The following SLC24A3 variants were observed in gnomAD, a reference collection of about 807,000 sequenced individuals.
The protein encoded by SLC24A3 is sodium/potassium/calcium exchanger 3.
SLC24A3 carries 28 observed loss-of-function variants against 75.8 expected under a neutral mutation model. The observed-to-expected ratio is 0.37, with a 90% CI of 0.27 to 0.51. The LOEUF is 0.51. Among genes scored for constraint, SLC24A3 ranks in the 20% least tolerant of loss-of-function variants. The probability of loss-of-function intolerance (pLI) is 0.94; values close to 1 mark genes in which losing one functional copy is unlikely to be tolerated. For synonymous variants in SLC24A3, 372 were observed against 334.1 expected, an observed-to-expected ratio of 1.11 and a Z score of -1.24; for missense variants, 663 against 847.8, an observed-to-expected ratio of 0.78 and a Z score of 2.71.
chr20:19,316,305 TG>T (rs1368537708), intron 2 of SLC24A3, among the ~76,000 whole-genome samples: 1 of 152,148 alleles, frequency 6.6e-6, no homozygotes, highest in African/African-American at 2.4e-5. Context: ...TCCTACCTCT[TG>T]GTGCTTCTGT....
chr20:19,528,068 G>C (rs1371641884), intron 3 of SLC24A3, among the ~76,000 whole-genome samples: 1 of 152,144 alleles, frequency 6.6e-6, no homozygotes, highest in Non-Finnish European at 1.5e-5. Flanking sequence ...AGGAGTCCAA[G>C]CTCTTTAAGA....
At chr20:19,521,985 C>T (rs1373832637) in intron 3 of SLC24A3, among the ~76,000 whole-genome samples, 5 of 152,108 alleles carry the variant, frequency 3.3e-5, no homozygotes, top group Non-Finnish European at 4.4e-5. Context: ...ACTCAACTCT[C>T]CATTTGTAGG....
chr20:19,334,560 G>T (rs1227593827), intron 2 of SLC24A3, among the ~76,000 whole-genome samples: 1 of 152,064 alleles, frequency 6.6e-6, no homozygotes, highest in Non-Finnish European at 1.5e-5. Context: ...AAGATTCAGT[G>T]CCAACATCAA....
intron 6 of SLC24A3, among the ~76,000 whole-genome samples, chr20:19,631,791 AGTGTGTGTGTGTGT>A (rs148278633): frequency 1.4e-5 from 2 of 147,836 alleles, no homozygotes; most frequent in Non-Finnish European, 3.0e-5. Flanking sequence ...TATGAGTGAG[AGTGTGTGTGTGTGT>A]GTGTGTGTGT....
chr20:19,248,187 G>A (rs1367808388), intron 1 of SLC24A3, among the ~76,000 whole-genome samples: 4 of 152,126 alleles, frequency 2.6e-5, no homozygotes, highest in African/African-American at 9.7e-5. Context: ...TTTCTGCCAC[G>A]TTGCCTCCTT....
At chr20:19,346,274 G>GTATA (rs374637972) in intron 2 of SLC24A3, among the ~76,000 whole-genome samples, 2 of 67,740 alleles carry the variant, frequency 3.0e-5, no homozygotes, top group Non-Finnish European at 5.2e-5. Flanking sequence ...TATATATGGT[G>GTATA]TATATATATA....
intron 3 of SLC24A3, among the ~76,000 whole-genome samples, chr20:19,529,103 T>G (rs1181364410): frequency 1.3e-5 from 2 of 152,164 alleles, no homozygotes; most frequent in Non-Finnish European, 2.9e-5. Flanking sequence ...TTTTAACATA[T>G]TAGGCACAGC....
rs150756891 is a variant in SLC24A3, at chr20:19,623,422, T to C, written c.613-30640T>C. On this transcript the variant is annotated intron_variant, in intron 6 of 16. Transcript: ENST00000328041. ...AGGACCATCAAGGCTGTGGCTAGTT[T>C]GCAAAGGCTTACCTTTCCAGTAGCT... is the stretch of plus-strand genomic sequence containing the variant. Among the ~76,000 whole-genome samples the C allele has an allele frequency of 5.2e-3, 790 of 152,340 alleles. 5 individuals are homozygous for C. Among genetic ancestry groups the C allele is most frequent in the African/African-American group, 0.018 (746 of 41,586 alleles).
At chr20:19,579,473 C>T (rs763972535) in intron 3 of SLC24A3, among the ~76,000 whole-genome samples, 5 of 152,154 alleles carry the variant, frequency 3.3e-5, no homozygotes, top group Non-Finnish European at 7.4e-5. Context: ...TATACCAGGC[C>T]CTGTGCTGAC....
chr20:19,594,855 G>A (rs879838356), intron 6 of SLC24A3, among the ~76,000 whole-genome samples: 8 of 152,072 alleles, frequency 5.3e-5, no homozygotes, highest in Non-Finnish European at 1.0e-4. Flanking sequence ...GTACATGAGA[G>A]AGAAGTTACT....
intron 2 of SLC24A3, among the ~76,000 whole-genome samples, chr20:19,458,565 T>C (rs1987618090): frequency 6.6e-6 from 1 of 152,174 alleles, no homozygotes; most frequent in African/African-American, 2.4e-5. Context: ...GCAACCACCA[T>C]TCCATTTTCT....
At chr20:19,548,034 C>G (rs544212744) in intron 3 of SLC24A3, among the ~76,000 whole-genome samples, 1 of 152,322 alleles carries the variant, frequency 6.6e-6, no homozygotes, top group South Asian at 2.1e-4. Context: ...ATTATTTTCT[C>G]CTCTGAATTA....
rs1207728509 is a variant in SLC24A3, at chr20:19,212,660, G to T, written c.-183G>T. The T allele has an allele frequency of 8.1e-6, 2 of 246,062 alleles. No individual in the cohort carries two copies. Among genetic ancestry groups the T allele is most frequent in the South Asian group, 1.3e-4 (1 of 7,532 alleles). The allele number at this position is 246,062 out of a possible 1,614,324, so 15.2% of individuals were successfully genotyped here. ...ACTGGGCGATAGCGACGAGGAGGGC[G>T]ACGACGAGGAGACGGGCAGCGGCGA... is the stretch of plus-strand genomic sequence containing the variant. On this transcript the variant is annotated 5_prime_UTR_variant, in exon 1 of 17. Coordinates refer to ENST00000328041, the MANE Select transcript of SLC24A3 (RefSeq NM_020689.4).
intron 12 of SLC24A3, 38 bp from the exon 13 acceptor site, chr20:19,693,221 T>TTA (rs746745132): frequency 5.8e-6 from 9 of 1,560,918 alleles, no homozygotes; most frequent in Admixed American, 3.8e-5. Context: ...CTTTGTTATT[T>TTA]TTTTTTTATT....
intron 12 of SLC24A3, among the ~76,000 whole-genome samples, chr20:19,688,818 T>C (rs2032711614): frequency 6.6e-6 from 1 of 152,230 alleles, no homozygotes; most frequent in Non-Finnish European, 1.5e-5. Flanking sequence ...TGTACATATA[T>C]GTACAGTGTG....
chr20:19,404,502 C>T (rs1046756269), intron 2 of SLC24A3, among the ~76,000 whole-genome samples: 1 of 152,208 alleles, frequency 6.6e-6, no homozygotes, highest in East Asian at 1.9e-4. Context: ...AAGAAATCCC[C>T]TGGAGCCTAA....
chr20:19,664,390 T>C (rs1477375081), intron 7 of SLC24A3, among the ~76,000 whole-genome samples: 1 of 152,208 alleles, frequency 6.6e-6, no homozygotes, highest in Non-Finnish European at 1.5e-5. Context: ...TGTCAACTTG[T>C]TGAATCTGAT....
intron 2 of SLC24A3, among the ~76,000 whole-genome samples, chr20:19,401,045 C>T (rs757813004): frequency 2.6e-5 from 4 of 152,042 alleles, no homozygotes; most frequent in Non-Finnish European, 4.4e-5. Flanking sequence ...GTGTGAGTTG[C>T]TCAACGTAAA....
chr20:19,717,273 G>C (rs1455028594), intron 15 of SLC24A3, among the ~76,000 whole-genome samples: 2 of 152,194 alleles, frequency 1.3e-5, no homozygotes, highest in Non-Finnish European at 2.9e-5. Context: ...CTCCAGCCAG[G>C]GGCCTGCTAT....
Sources: gnomAD v4.1 joint callset for allele counts (sites outside exome capture counted in the v4.1 genomes callset) on GRCh38, gnomAD v4.1.1 for gene constraint, MANE v1.5 for transcripts, NCBI Gene and HGNC (gene_info 2026-07-23, HGNC 2026-07-21) for gene names.